The following MACO1 variants were observed in gnomAD, a reference collection of about 807,000 sequenced individuals.
MACO1 encodes the protein macoilin.
MACO1 carries 14 observed loss-of-function variants against 78.7 expected under a neutral mutation model. That is an observed-to-expected ratio of 0.18 (90% confidence interval 0.12 to 0.28). The LOEUF (loss-of-function observed/expected upper bound fraction) is 0.28, where lower values mean the gene tolerates loss of function less well. Among genes scored for constraint, MACO1 ranks in the 10% least tolerant of loss-of-function variants. The probability of loss-of-function intolerance (pLI) is 1.00; values close to 1 mark genes in which losing one functional copy is unlikely to be tolerated. For missense variants in MACO1, 501 were observed against 799.0 expected (o/e 0.63, Z 4.50); for synonymous variants, 288 against 291.6 (o/e 0.99, Z 0.12).
At chr1:25,489,315 T>TC in intron 9 of MACO1, 22 bp downstream of exon 9, 4 of 1,610,814 alleles carry the variant, frequency 2.5e-6, no homozygotes, top group Non-Finnish European at 3.4e-6. Flanking sequence ...ACAAAAGACT[T>TC]CCCTTGTATT....
chr1:25,479,873 G>A (rs1263741959), intron 6 of MACO1, among the ~76,000 whole-genome samples: 1 of 152,142 alleles, frequency 6.6e-6, no homozygotes, highest in East Asian at 1.9e-4. Flanking sequence ...GAAGGTACTT[G>A]TGATTTATAA....
chr1:25,451,727 C>T (rs961143445), intron 3 of MACO1, among the ~76,000 whole-genome samples: 16 of 151,862 alleles, frequency 1.1e-4, no homozygotes, highest in African/African-American at 2.9e-4. Context: ...GCCAAAATGG[C>T]GAAACTTGTC....
At chr1:25,461,631 T>C (rs1266193227) in intron 6 of MACO1, among the ~76,000 whole-genome samples, 1 of 152,090 alleles carries the variant, frequency 6.6e-6, no homozygotes, top group African/African-American at 2.4e-5. Flanking sequence ...AAATTTAAAA[T>C]AAATTATGGT....
chr1:25,437,420 G>A (rs527551623), intron 1 of MACO1, among the ~76,000 whole-genome samples: 3 of 148,888 alleles, frequency 2.0e-5, no homozygotes, highest in South Asian at 2.1e-4. Flanking sequence ...ACCTCTCAAA[G>A]TACTGGGATT....
In MACO1 at chr1:25,456,891, A is replaced by G. The variant is rs753404569; in HGVS notation, c.652+60A>G. On this transcript the variant is annotated intron_variant, in intron 5 of 10. Transcript: ENST00000374343. Reference sequence around the variant, plus strand: ...GCTAGTCATTATTTTGTCTCTTGGTAGAATTTTCTTTTCTGGAAAAGTAGC... The same window carrying G: ...GCTAGTCATTATTTTGTCTCTTGGTGGAATTTTCTTTTCTGGAAAAGTAGC... 128 of 1,512,238 alleles carry G rather than the reference A, an allele frequency of 8.5e-5. 1 individual carries two copies. Among genetic ancestry groups the G allele is most frequent in the Non-Finnish European group, 1.1e-4 (123 of 1,132,330 alleles). The allele number at this position is 1,512,238 out of a possible 1,614,324, so 93.7% of individuals were successfully genotyped here. A position where few individuals can be genotyped will look rare whatever the true frequency, so the allele number is the denominator to read the frequency against.
chr1:25,446,865 A>C lies in MACO1; in HGVS notation c.184A>C (p.Ile62Leu). ...FEYLWPFWLF[I>L]RSVYDSFRYQ... The stretch of plus-strand genomic sequence containing the variant: ...ATACCTGTGGCCATTCTGGCTTTTC[A>C]TCAGAAGCGTCTATGATTCCTTCAG... Residue 62 changes from isoleucine to leucine, a missense_variant, in exon 2 of 11, where the codon ATC (isoleucine) becomes CTC (leucine). By Grantham distance (5) the Ile-to-Leu change is conservative. This residue lies in a region of MACO1 where 171 missense variants were observed against 292.1 expected (regional missense o/e 0.59). Transcript: ENST00000374343. 6.2e-7 allele frequency: 1 copy of C among 1,613,888 alleles called. No homozygotes were observed. The highest frequency in any genetic ancestry group is 2.2e-5 in the East Asian group (1 of 44,866).
At chr1:25,443,263 G>T (rs897489708) in intron 1 of MACO1, among the ~76,000 whole-genome samples, 36 of 152,154 alleles carry the variant, frequency 2.4e-4, no homozygotes, top group African/African-American at 8.7e-4. Flanking sequence ...TGATGGAGAG[G>T]GCTAAGTGAA....
At chr1:25,492,726 T>C (rs2043497906) in intron 10 of MACO1, among the ~76,000 whole-genome samples, 1 of 152,110 alleles carries the variant, frequency 6.6e-6, no homozygotes, top group Non-Finnish European at 1.5e-5. Flanking sequence ...AAAATAAATT[T>C]GGATTTTTGT....
At chr1:25,446,717 T>C (rs1034469377) in intron 1 of MACO1, 45 bp from the exon 2 acceptor site, 23 of 1,517,442 alleles carry the variant, frequency 1.5e-5, no homozygotes, top group East Asian at 7.4e-5. Flanking sequence ...TTTCTAGTTA[T>C]TCACAAATGA....
At chr1:25,474,740 T>C (rs2043305165) in intron 6 of MACO1, among the ~76,000 whole-genome samples, 2 of 152,206 alleles carry the variant, frequency 1.3e-5, no homozygotes, top group Admixed American at 1.3e-4. Flanking sequence ...TCAAGATATT[T>C]TTCTACTGTG....
At chr1:25,458,066 G>C (rs2043137973) in intron 5 of MACO1, among the ~76,000 whole-genome samples, 1 of 152,156 alleles carries the variant, frequency 6.6e-6, no homozygotes, top group Non-Finnish European at 1.5e-5. Context: ...AGGCGAGTTT[G>C]ATTTGACTAA....
Position 25,469,705 on chromosome 1 carries a change from C to T in MACO1, c.1154+10813C>T, listed in dbSNP as rs372233922. 4.7e-4 allele frequency among the ~76,000 whole-genome samples: 69 copies of T among 147,324 alleles called. 3 individuals are homozygous for T. The South Asian group carries it at 0.014, about 30-fold the overall frequency. On this transcript the variant is annotated intron_variant, in intron 6 of 10. Coordinates refer to ENST00000374343, the MANE Select transcript of MACO1 (RefSeq NM_018202.6). ...AGGCCGTAGTGCAGTGGTCCGATCT[C>T]GGCTCACTGCAACCTCTGTCTTCTG...
intron 3 of MACO1, among the ~76,000 whole-genome samples, chr1:25,452,827 A>G (rs975643096): frequency 4.0e-5 from 6 of 148,572 alleles, no homozygotes; most frequent in African/African-American, 1.5e-4. Flanking sequence ...CTCCCGAGTA[A>G]CTGGAATTAC....
At chr1:25,454,742 A>G (rs1245938559) in intron 4 of MACO1, among the ~76,000 whole-genome samples, 3 of 151,944 alleles carry the variant, frequency 2.0e-5, no homozygotes, top group African/African-American at 4.8e-5. Flanking sequence ...TCAGCCTCCC[A>G]AAGTGCTGGG....
chr1:25,454,408 G>C, intron 4 of MACO1, 26 bp downstream of exon 4: 1 of 1,537,520 alleles, frequency 6.5e-7, no homozygotes, highest in Non-Finnish European at 8.8e-7. Flanking sequence ...ATGTATGTGT[G>C]TGTGTGTGTA....
chr1:25,446,938 G>A (rs558511477), intron 2 of MACO1, 35 bp downstream of exon 2: 2 of 1,599,990 alleles, frequency 1.3e-6, no homozygotes, highest in South Asian at 2.2e-5. Context: ...CATGTGTGGG[G>A]ACCATTCAGC....
intron 6 of MACO1, among the ~76,000 whole-genome samples, chr1:25,464,666 C>CT (rs2043201235): frequency 9.9e-6 from 1 of 100,992 alleles, no homozygotes; most frequent in African/African-American, 3.0e-5. Flanking sequence ...CCCCACCCCC[C>CT]CCCTCCGCGA....
chr1:25,464,590 C>T (rs1206475111), intron 6 of MACO1, among the ~76,000 whole-genome samples: 3 of 151,640 alleles, frequency 2.0e-5, no homozygotes, highest in Non-Finnish European at 4.4e-5. Context: ...GGTGATCTGC[C>T]TGCCTGGGCC....
intron 7 of MACO1, 69 bp downstream of exon 7, chr1:25,484,343 T>G: frequency 8.1e-6 from 12 of 1,483,336 alleles, no homozygotes; most frequent in Non-Finnish European, 1.1e-5. Context: ...TGCCAGGGGT[T>G]GGAGCACAAG....
Sources: allele counts gnomAD v4.1 joint callset (sites outside exome capture counted in the v4.1 genomes callset), GRCh38; gene constraint gnomAD v4.1.1; regional missense constraint gnomAD v4.1.1; transcripts MANE v1.5; gene names NCBI Gene and HGNC (gene_info 2026-07-23, HGNC 2026-07-21).